MYRIP: variants seen among roughly 807,000 people sequenced by gnomAD.
MYRIP encodes myosin VIIA and Rab interacting protein.
MYRIP carries 49 observed loss-of-function variants against 98.0 expected under a neutral mutation model. That is an observed-to-expected ratio of 0.50 (90% CI 0.40 to 0.63). The LOEUF is 0.63. Ranked by LOEUF, MYRIP falls within the 30% of genes least tolerant of loss-of-function variation. The pLI, the probability that MYRIP is intolerant of heterozygous loss-of-function variation, is 0.00. For synonymous variants in MYRIP, 404 were observed against 409.5 expected, an observed-to-expected ratio of 0.99 and a Z score of 0.16; for missense variants, 1,004 against 1,058.2, an observed-to-expected ratio of 0.95 and a Z score of 0.71.
chr3:39,999,097 C>G lies in MYRIP; in HGVS notation c.111-44953C>G, dbSNP rs1339519796. On this transcript the variant is annotated intron_variant, in intron 2 of 16. Coordinates refer to ENST00000302541, the MANE Select transcript of MYRIP (RefSeq NM_015460.4). Reference sequence around the variant, plus strand: ...ACCCTAGAAGAAAACCTAGGCAATACCATTCAGGACATAGGCATGGGCAAG... The same window carrying G: ...ACCCTAGAAGAAAACCTAGGCAATAGCATTCAGGACATAGGCATGGGCAAG... Among the ~76,000 whole-genome samples, 4 of 152,294 alleles carry G rather than the reference C, an allele frequency of 2.6e-5. No individual in the cohort carries two copies. In the East Asian group the frequency reaches 7.7e-4, roughly 29 times the overall value.
chr3:39,841,625 C>T lies in MYRIP; in HGVS notation c.-31+31709C>T, dbSNP rs72866601. On this transcript the variant is annotated intron_variant, in intron 1 of 16. Transcript: ENST00000302541. Reference sequence around the variant, plus strand: ...TTTGGTCTTTTATATTGGTGACCTTCGGATGGGGTTTGTGCCATTGGGGTC... The same window carrying T: ...TTTGGTCTTTTATATTGGTGACCTTTGGATGGGGTTTGTGCCATTGGGGTC... Among the ~76,000 whole-genome samples, 247 of 152,242 alleles carry T rather than the reference C, an allele frequency of 1.6e-3. 2 individuals carry two copies. Among genetic ancestry groups the T allele is most frequent in the African/African-American group, 5.7e-3 (238 of 41,568 alleles).
chr3:40,114,606 G>C (rs985365599), intron 3 of MYRIP, among the ~76,000 whole-genome samples: 4 of 152,062 alleles, frequency 2.6e-5, no homozygotes, highest in African/African-American at 9.7e-5. Flanking sequence ...AACAAGCCAA[G>C]AAAGAAAAAA....
At chr3:40,243,606 T>C (rs1953093898) in intron 12 of MYRIP, among the ~76,000 whole-genome samples, 1 of 152,210 alleles carries the variant, frequency 6.6e-6, no homozygotes, top group African/African-American at 2.4e-5. Flanking sequence ...AAGTAATTAC[T>C]TTCTTTAGAT....
At chr3:40,190,816 G>A (rs909015273) in intron 10 of MYRIP, among the ~76,000 whole-genome samples, 3 of 152,182 alleles carry the variant, frequency 2.0e-5, no homozygotes, top group African/African-American at 7.2e-5. Context: ...ATTCTACTGT[G>A]CACTCAAGTT....
chr3:40,199,025 G>T (rs1313262963), intron 10 of MYRIP, among the ~76,000 whole-genome samples: 1 of 152,188 alleles, frequency 6.6e-6, no homozygotes, highest in Non-Finnish European at 1.5e-5. Context: ...TTGATGGAAT[G>T]AATCTTAGGC....
chr3:39,877,198 C>G (rs1187026841), intron 1 of MYRIP, among the ~76,000 whole-genome samples: 1 of 152,186 alleles, frequency 6.6e-6, no homozygotes, highest in Non-Finnish European at 1.5e-5. Context: ...TCCACCAGCT[C>G]CTTTAAGCAC....
In MYRIP at chr3:40,254,617, G is replaced by A. The variant is rs560470015; in HGVS notation, c.2547+2618G>A. 2.9e-3 allele frequency among the ~76,000 whole-genome samples: 436 copies of A among 152,214 alleles called. 3 individuals carry two copies. The highest frequency in any genetic ancestry group is 4.6e-3 in the Non-Finnish European group (310 of 68,010). ...GAATTTCCATGTGGGCAAAATATGG[G>A]GGAGGCATATAGCTTTTCATCTTGT... On this transcript the variant is annotated intron_variant, in intron 16 of 16. Transcript: ENST00000302541.
intron 2 of MYRIP, among the ~76,000 whole-genome samples, chr3:39,953,307 C>T (rs1002028051): frequency 3.9e-5 from 6 of 152,106 alleles, no homozygotes; most frequent in South Asian, 2.1e-4. Context: ...TATGTGCCTT[C>T]GGTCTGTTTC....
intron 2 of MYRIP, among the ~76,000 whole-genome samples, chr3:39,961,664 A>G (rs1020325964): frequency 6.6e-6 from 1 of 152,062 alleles, no homozygotes; most frequent in African/African-American, 2.4e-5. Flanking sequence ...TTTTGAAATA[A>G]CCCGTTACTA....
intron 2 of MYRIP, among the ~76,000 whole-genome samples, chr3:39,943,332 A>C (rs1223886624): frequency 6.6e-6 from 1 of 152,168 alleles, no homozygotes; most frequent in Non-Finnish European, 1.5e-5. Flanking sequence ...TCCAATGAGG[A>C]AAAACAAATG....
intron 2 of MYRIP, among the ~76,000 whole-genome samples, chr3:39,973,819 G>A (rs1193463838): frequency 6.6e-6 from 1 of 152,156 alleles, no homozygotes; most frequent in Non-Finnish European, 1.5e-5. Flanking sequence ...ATAACGAAAT[G>A]AAGGCAGAAA....
At chr3:39,947,529 A>T (rs1348880532) in intron 2 of MYRIP, among the ~76,000 whole-genome samples, 1 of 152,174 alleles carries the variant, frequency 6.6e-6, no homozygotes, top group South Asian at 2.1e-4. Flanking sequence ...AACATTTACA[A>T]GAGAAAGCTA....
chr3:40,254,990 C>A (rs564061658), intron 16 of MYRIP, among the ~76,000 whole-genome samples: 21 of 152,264 alleles, frequency 1.4e-4, no homozygotes, highest in African/African-American at 4.8e-4. Context: ...AGAAGCACCA[C>A]GTAATGGCAT....
At chr3:39,993,593 C>G (rs541806536) in intron 2 of MYRIP, among the ~76,000 whole-genome samples, 1 of 152,276 alleles carries the variant, frequency 6.6e-6, no homozygotes, top group African/African-American at 2.4e-5. Context: ...CTAAACCATG[C>G]CTTCTCTCTC....
chr3:40,251,839 C>A, intron 15 of MYRIP, 42 bp from the exon 16 acceptor site: 1 of 1,356,630 alleles, frequency 7.4e-7, no homozygotes, highest in South Asian at 1.2e-5. Flanking sequence ...ATCAATCAGT[C>A]CATCTTCTGG....
chr3:39,811,543 G>T (rs528751086), intron 1 of MYRIP, among the ~76,000 whole-genome samples: 1 of 151,880 alleles, frequency 6.6e-6, no homozygotes, highest in Admixed American at 6.6e-5. Context: ...TCCTGCTCAC[G>T]TTCCTTTGCC....
intron 3 of MYRIP, among the ~76,000 whole-genome samples, chr3:40,099,163 C>T (rs937508526): frequency 2.0e-5 from 3 of 152,110 alleles, no homozygotes; most frequent in African/African-American, 4.8e-5. Flanking sequence ...GGACCCACAT[C>T]AGAAGAGGAT....
intron 2 of MYRIP, among the ~76,000 whole-genome samples, chr3:39,986,835 C>T (rs1051471482): frequency 2.6e-5 from 4 of 152,106 alleles, no homozygotes; most frequent in African/African-American, 9.7e-5. Flanking sequence ...AAGCATGTTC[C>T]AGAGCTCCCA....
intron 3 of MYRIP, among the ~76,000 whole-genome samples, chr3:40,129,482 C>T (rs1014423081): frequency 1.8e-5 from 2 of 110,674 alleles, no homozygotes; most frequent in African/African-American, 5.8e-5. Context: ...AAAAATCATG[C>T]CACCTCCGAA....
Sources: gnomAD v4.1 joint callset for allele counts (sites outside exome capture counted in the v4.1 genomes callset) on GRCh38, gnomAD v4.1.1 for gene constraint, MANE v1.5 for transcripts, NCBI Gene and HGNC (gene_info 2026-07-23, HGNC 2026-07-21) for gene names.